The following LDLRAD3 variants were observed in gnomAD, a reference collection of about 807,000 sequenced individuals.
The protein encoded by LDLRAD3 is low density lipoprotein receptor class A domain containing 3.
Under a neutral mutation model 29.4 loss-of-function variants are expected in LDLRAD3, and 20 were observed. The ratio of observed to expected loss-of-function variants is 0.68; its 90% CI spans 0.48 to 0.99. The LOEUF (loss-of-function observed/expected upper bound fraction) is 0.99, where lower values mean the gene tolerates loss of function less well. Ranked by LOEUF, LDLRAD3 falls within the 50% of genes least tolerant of loss-of-function variation. The pLI is 0.00. For synonymous variants in LDLRAD3, 157 were observed against 192.7 expected (o/e 0.81, Z 1.53); for missense variants, 420 against 454.3 (o/e 0.92, Z 0.69).
chr11:36,149,327 G>A (rs181120598), intron 4 of LDLRAD3, among the ~76,000 whole-genome samples: 84 of 152,308 alleles, frequency 5.5e-4, no homozygotes, highest in African/African-American at 1.4e-3. Flanking sequence ...AAAGAATAGC[G>A]GTTGGAGAGT....
chr11:36,090,141 T>A (rs1302936642), intron 3 of LDLRAD3, among the ~76,000 whole-genome samples: 1 of 152,174 alleles, frequency 6.6e-6, no homozygotes, highest in Non-Finnish European at 1.5e-5. Flanking sequence ...ACACTTTCAC[T>A]TCTAACCACT....
At position 35,944,520 on chromosome 11, in the gene LDLRAD3, T is replaced by C. The variant is rs1044256032; in HGVS notation, c.46+376T>C. Among the ~76,000 whole-genome samples, 10 of 151,874 alleles carry C rather than the reference T, an allele frequency of 6.6e-5. No homozygotes were observed. The highest frequency in any genetic ancestry group is 2.4e-4 in the African/African-American group (10 of 41,316). On this transcript the variant is annotated intron_variant, in intron 1 of 5. Transcript: ENST00000315571. This position sits in a 1 kb window ranked among gnomAD's most constrained non-coding sequence, Gnocchi z 4.9. The stretch of plus-strand genomic sequence containing the variant: ...AGGAAAGGAGAGGAGAGGAGAGAAC[T>C]CTTCCCTGGTCTCATCTTCCCAGAC...
At chr11:36,167,478 A>T (rs1854531470) in intron 4 of LDLRAD3, among the ~76,000 whole-genome samples, 1 of 111,952 alleles carries the variant, frequency 8.9e-6, no homozygotes, top group Non-Finnish European at 2.0e-5. Context: ...TCCCTGTAAG[A>T]AGAAGGAATT....
In LDLRAD3 at chr11:35,993,750, G is replaced by A. The variant is rs547756950; in HGVS notation, c.47-42353G>A. Among the ~76,000 whole-genome samples the A allele has an allele frequency of 8.5e-5, 13 of 152,118 alleles. No individual in the cohort carries two copies. In the East Asian group the frequency reaches 1.9e-3, roughly 23 times the overall value. On this transcript the variant is annotated intron_variant, in intron 1 of 5. Transcript: ENST00000315571. ...AAGTCTTGGGTTAGCCCAGATGAGT[G>A]GTATATTTTTAATAGGGAGAGGATT...
At chr11:36,096,474 G>A (rs1423551940) in intron 3 of LDLRAD3, among the ~76,000 whole-genome samples, 1 of 152,130 alleles carries the variant, frequency 6.6e-6, no homozygotes, top group Admixed American at 6.5e-5. Flanking sequence ...TTCATTCCCC[G>A]AGCTCTGGGA....
chr11:36,170,437 T>C (rs1854582304), intron 4 of LDLRAD3, among the ~76,000 whole-genome samples: 1 of 152,022 alleles, frequency 6.6e-6, no homozygotes, highest in African/African-American at 2.4e-5. Flanking sequence ...CCATATTTTT[T>C]CAATTGCAAA....
intron 4 of LDLRAD3, among the ~76,000 whole-genome samples, chr11:36,181,411 C>T (rs552501745): frequency 6.6e-6 from 1 of 152,204 alleles, no homozygotes; most frequent in South Asian, 2.1e-4. Flanking sequence ...TGTTATCAGC[C>T]TTTGAAATGT....
chr11:35,953,849 C>T (rs1851168282), intron 1 of LDLRAD3, among the ~76,000 whole-genome samples: 1 of 152,060 alleles, frequency 6.6e-6, no homozygotes. Context: ...GTTTCAAAAA[C>T]AGATTGATAA....
At chr11:35,974,278 A>G (rs1195474915) in intron 1 of LDLRAD3, among the ~76,000 whole-genome samples, 2 of 151,796 alleles carry the variant, frequency 1.3e-5, no homozygotes, top group Admixed American at 1.3e-4. Flanking sequence ...TGGTTATATC[A>G]TGTGAGAGTG....
chr11:36,194,047 A>T (rs1526053), intron 4 of LDLRAD3, among the ~76,000 whole-genome samples: 43,139 of 152,050 alleles, frequency 0.28, 6,196 homozygotes, highest in African/African-American at 0.34. Flanking sequence ...TTAGTATCAC[A>T]TCTGGCATTT....
intron 3 of LDLRAD3, among the ~76,000 whole-genome samples, chr11:36,097,206 T>C (rs1034897215): frequency 2.0e-5 from 3 of 152,186 alleles, no homozygotes; most frequent in African/African-American, 7.2e-5. Context: ...CCAACTAGGT[T>C]CATGGGCTTT....
chr11:36,013,057 A>G (rs1388046633), intron 1 of LDLRAD3, among the ~76,000 whole-genome samples: 1 of 152,264 alleles, frequency 6.6e-6, no homozygotes, highest in Non-Finnish European at 1.5e-5. Flanking sequence ...ATTTAGAGAT[A>G]GAAATGCTGT....
At position 36,225,589 on chromosome 11, in the gene LDLRAD3, A is replaced by G. The variant is rs189036348; in HGVS notation, c.455-1496A>G. The stretch of plus-strand genomic sequence containing the variant: ...GTCTTATTCGGGTGATGTAGAGCAG[A>G]ACGCTGGGGCCAGGTTCTGAAGTCA... On this transcript the variant is annotated intron_variant, in intron 4 of 5. Transcript: ENST00000315571. Among the ~76,000 whole-genome samples, 1,230 of 152,252 alleles carry G rather than the reference A, an allele frequency of 8.1e-3. 8 individuals are homozygous for G. The highest frequency in any genetic ancestry group is 0.013 in the Non-Finnish European group (916 of 68,006).
In LDLRAD3 at chr11:36,106,253, C is replaced by T. The variant is rs145468850; in HGVS notation, c.454+7792C>T. Among the ~76,000 whole-genome samples the T allele has an allele frequency of 7.7e-3, 1,165 of 152,286 alleles. 13 individuals are homozygous for T. The highest frequency in any genetic ancestry group is 0.026 in the African/African-American group (1,087 of 41,540). ...TTTTCTGTACTTGGTGCACAGACCT[C>T]ATTATCTCTCTCTACAACAGCCCCA... On this transcript the variant is annotated intron_variant, in intron 4 of 5. Coordinates refer to ENST00000315571, the MANE Select transcript of LDLRAD3 (RefSeq NM_174902.4).
intron 4 of LDLRAD3, among the ~76,000 whole-genome samples, chr11:36,195,931 C>G (rs1304174376): frequency 6.6e-6 from 1 of 151,990 alleles, no homozygotes. Flanking sequence ...AAGTTACCCC[C>G]TGCTACCTCC....
intron 4 of LDLRAD3, among the ~76,000 whole-genome samples, chr11:36,205,961 GTC>G (rs1855201473): frequency 6.6e-6 from 1 of 152,206 alleles, no homozygotes; most frequent in Non-Finnish European, 1.5e-5. Context: ...TAACAGCGGT[GTC>G]TCCTTGTTGC....
chr11:36,203,627 A>G (rs1318550555), intron 4 of LDLRAD3, among the ~76,000 whole-genome samples: 3 of 152,220 alleles, frequency 2.0e-5, no homozygotes, highest in Non-Finnish European at 4.4e-5. Context: ...CCCAGGCGGC[A>G]CATGAGATGA....
chr11:36,225,830 G>C (rs1855490927), intron 4 of LDLRAD3, among the ~76,000 whole-genome samples: 1 of 152,126 alleles, frequency 6.6e-6, no homozygotes, highest in African/African-American at 2.4e-5. Context: ...CAGCACTTTG[G>C]GAGGCCGAGG....
At chr11:36,082,928 A>G (rs894483588) in intron 3 of LDLRAD3, among the ~76,000 whole-genome samples, 1 of 152,156 alleles carries the variant, frequency 6.6e-6, no homozygotes, top group African/African-American at 2.4e-5. Flanking sequence ...CCCATTCCTC[A>G]AAATGTTTAG....
Sources: gnomAD v4.1 joint callset for allele counts (sites outside exome capture counted in the v4.1 genomes callset) on GRCh38, gnomAD v4.1.1 for gene constraint, Gnocchi (gnomAD v3.1) non-coding constraint, MANE v1.5 for transcripts, NCBI Gene and HGNC (gene_info 2026-07-23, HGNC 2026-07-21) for gene names.